The following STON2 variants were observed in gnomAD, a reference collection of about 807,000 sequenced individuals.
The protein encoded by STON2 is stonin-2.
A neutral mutation model predicts 65.7 loss-of-function variants in STON2; 29 were observed. The observed-to-expected ratio is 0.44, with a 90% CI of 0.33 to 0.60. STON2 has a LOEUF of 0.60. Ranked by LOEUF, STON2 falls within the 20% of genes least tolerant of loss-of-function variation. The pLI is 0.03. For missense variants in STON2, 1,054 were observed against 1,118.1 expected (o/e 0.94, Z 0.82); for synonymous variants, 404 against 414.2 (o/e 0.98, Z 0.30).
Position 81,264,784 on chromosome 14 carries a change from A to T in STON2, c.*3630T>A. 1.0e-6 allele frequency: 1 copy of T among 985,474 alleles called. No homozygotes were observed. Among genetic ancestry groups the T allele is most frequent in the Non-Finnish European group, 1.2e-6 (1 of 829,936 alleles). 61.0% of individuals were successfully genotyped at this position (985,474 alleles called of 1,614,324 possible). On this transcript the variant is annotated 3_prime_UTR_variant, in exon 8 of 8. Coordinates refer to ENST00000614646, the MANE Select transcript of STON2 (RefSeq NM_001394390.1). ...TCCAGATAATATTTAATATGAATGA[A>T]ATGCAAACTTTTGATAAGGAATAAC...
chr14:81,312,797 T>A (rs1208865206), intron 5 of STON2, among the ~76,000 whole-genome samples: 2 of 152,274 alleles, frequency 1.3e-5, no homozygotes, highest in African/African-American at 2.4e-5. Flanking sequence ...AAACTGGTAA[T>A]TTTTTGAAAG....
At chr14:81,360,885 T>C (rs1198227075) in intron 4 of STON2, among the ~76,000 whole-genome samples, 2 of 151,962 alleles carry the variant, frequency 1.3e-5, no homozygotes, top group Admixed American at 6.6e-5. Flanking sequence ...ACAAATGTTC[T>C]GAAAAAGAAA....
chr14:81,406,290 A>C (rs967622627), intron 2 of STON2, among the ~76,000 whole-genome samples: 1 of 152,108 alleles, frequency 6.6e-6, no homozygotes, highest in African/African-American at 2.4e-5. Flanking sequence ...CCTTTAGAGA[A>C]CCCTAACACA....
Position 81,267,470 on chromosome 14 carries a change from A to G in STON2, c.*944T>C, listed in dbSNP as rs1453208038. 14 of 985,210 alleles carry G rather than the reference A, an allele frequency of 1.4e-5. No individual in the cohort carries two copies. The highest frequency in any genetic ancestry group is 1.2e-4 in the Admixed American group (2 of 16,260). 61.0% of individuals were successfully genotyped at this position (985,210 alleles called of 1,614,324 possible). A position where few individuals can be genotyped will look rare whatever the true frequency, so the allele number is the denominator to read the frequency against. ...GGGTTAAAGGGACATGCAACTGTCT[A>G]TTGGTCATGAGGTATAAAAAGAACT... On this transcript the variant is annotated 3_prime_UTR_variant, in exon 8 of 8. Transcript: ENST00000614646.
chr14:81,357,412 G>A (rs1171559588), intron 4 of STON2, among the ~76,000 whole-genome samples: 2 of 151,986 alleles, frequency 1.3e-5, no homozygotes, highest in African/African-American at 4.8e-5. Context: ...AGGTGCTGGA[G>A]AGGATGTGGA....
rs551110972 is a variant in STON2 at position 81,361,150 on chromosome 14, T to C, written c.571+9838A>G. ...TTAAAATAGAAAACAATCCTAAAAT[T>C]CCACACTGAATTAAAAACAAAACAA... is the stretch of plus-strand genomic sequence containing the variant. On this transcript the variant is annotated intron_variant, in intron 4 of 7. Transcript: ENST00000614646. Among the ~76,000 whole-genome samples, 50 of 151,954 alleles carry C rather than the reference T, an allele frequency of 3.3e-4. No homozygotes were observed. The South Asian group carries it at 8.5e-3, about 26-fold the overall frequency.
At chr14:81,363,149 A>G (rs931737748) in intron 4 of STON2, among the ~76,000 whole-genome samples, 2 of 152,172 alleles carry the variant, frequency 1.3e-5, no homozygotes, top group African/African-American at 4.8e-5. Context: ...TATTTGTGTG[A>G]CTTTTGCCAA....
chr14:81,319,717 C>A (rs1175195958), intron 5 of STON2, among the ~76,000 whole-genome samples: 1 of 152,158 alleles, frequency 6.6e-6, no homozygotes, highest in African/African-American at 2.4e-5. Context: ...TCCGAACCTT[C>A]ATCTACAGAT....
At position 81,278,008 on chromosome 14, in the gene STON2, G is replaced by A. The variant is rs753213577; in HGVS notation, c.1474C>T (p.Pro492Ser). The A allele has an allele frequency of 6.2e-7, 1 of 1,614,120 alleles. No homozygotes were observed. The highest frequency in any genetic ancestry group is 8.5e-7 in the Non-Finnish European group (1 of 1,180,032). The part of the protein sequence containing the change: ...RDGWPMMLRI[P>S]EKKNIMSSRH... ...GAGGACATGATGTTTTTCTTCTCAGGGATCCTCAACATCATTGGCCACCCG... is the reference window on the plus strand; with the variant it reads ...GAGGACATGATGTTTTTCTTCTCAGAGATCCTCAACATCATTGGCCACCCG... Residue 492 changes from proline (P) to serine (S), a missense_variant, in exon 6 of 8, where the codon CCT becomes TCT. Transcript: ENST00000614646.
At chr14:81,346,522 A>G (rs1184449491) in intron 4 of STON2, among the ~76,000 whole-genome samples, 8 of 152,186 alleles carry the variant, frequency 5.3e-5, no homozygotes. Context: ...ACAGTGTCAA[A>G]TTTGTTGTTA....
At chr14:81,415,247 T>C (rs1203837203) in intron 2 of STON2, among the ~76,000 whole-genome samples, 2 of 151,292 alleles carry the variant, frequency 1.3e-5, no homozygotes, top group African/African-American at 4.9e-5. Context: ...CCTTATGAGG[T>C]AGGTACTATT....
chr14:81,278,719 C>G lies in STON2; in HGVS notation c.763G>C (p.Glu255Gln), dbSNP rs1894985105. The G allele has an allele frequency of 6.6e-7, 1 of 1,516,876 alleles. No individual in the cohort carries two copies. The highest frequency in any genetic ancestry group is 8.8e-7 in the Non-Finnish European group (1 of 1,135,350). 94.0% of individuals were successfully genotyped at this position (1,516,876 alleles called of 1,614,324 possible). The change falls in exon 6 of 8, where the codon GAA becomes CAA. Residue 255 changes from glutamate to glutamine, a missense_variant. Coordinates refer to ENST00000614646, the MANE Select transcript of STON2 (RefSeq NM_001394390.1). ...GCCTCCATCTCTACTTCTTCATCTT[C>G]TTGAAGCGAGGAGGAATTGTCTAAA... Reference protein sequence around the residue: ...APNDNSSSLQEDEEVEMEAIS... With the variant: ...APNDNSSSLQQDEEVEMEAIS...
chr14:81,375,732 T>C (rs2140379306), intron 3 of STON2, among the ~76,000 whole-genome samples: 1 of 152,018 alleles, frequency 6.6e-6, no homozygotes, highest in Admixed American at 6.6e-5. Flanking sequence ...GAAGAATGCA[T>C]ATTTTTTATA....
intron 2 of STON2, among the ~76,000 whole-genome samples, chr14:81,410,278 C>CAAAAA (rs1161157573): frequency 0.013 from 606 of 45,758 alleles, 3 homozygotes; most frequent in Non-Finnish European, 0.02. Context: ...TAACTCTAAC[C>CAAAAA]AAAAAAAAAA....
intron 2 of STON2, among the ~76,000 whole-genome samples, chr14:81,405,541 A>G (rs549152691): frequency 1.1e-5 from 1 of 90,618 alleles, no homozygotes; most frequent in East Asian, 3.8e-4. Flanking sequence ...TTTTTTTTGC[A>G]TACCTAATAA....
At chr14:81,329,604 G>T (rs185817741) in intron 4 of STON2, among the ~76,000 whole-genome samples, 178 of 152,258 alleles carry the variant, frequency 1.2e-3, no homozygotes, top group African/African-American at 3.7e-3. Flanking sequence ...GTTGACTTTG[G>T]ATTTCTAGCC....
intron 5 of STON2, among the ~76,000 whole-genome samples, chr14:81,297,371 C>T (rs889974701): frequency 1.1e-4 from 17 of 152,192 alleles, no homozygotes; most frequent in African/African-American, 3.1e-4. Flanking sequence ...AGAGGAAGAG[C>T]TAGGATCTGA....
chr14:81,426,115 T>C (rs781354548), intron 2 of STON2, among the ~76,000 whole-genome samples: 1 of 152,222 alleles, frequency 6.6e-6, no homozygotes, highest in African/African-American at 2.4e-5. Flanking sequence ...GATGGGCATT[T>C]TTAACCACCA....
chr14:81,328,307 G>A (rs1897073555), intron 4 of STON2, among the ~76,000 whole-genome samples: 1 of 152,100 alleles, frequency 6.6e-6, no homozygotes, highest in Non-Finnish European at 1.5e-5. Flanking sequence ...TTAATTAAAT[G>A]TAAGTCCATT....
Sources: gnomAD v4.1 joint callset for allele counts (sites outside exome capture counted in the v4.1 genomes callset) on GRCh38, gnomAD v4.1.1 for gene constraint, MANE v1.5 for transcripts, NCBI Gene and HGNC (gene_info 2026-07-23, HGNC 2026-07-21) for gene names.